Variants in RNFT2 observed in about 807,000 individuals in gnomAD.
The protein encoded by RNFT2 is ring finger protein, transmembrane 2, also known as E3 ubiquitin-protein ligase RNFT2.
Under a neutral mutation model 53.0 loss-of-function variants are expected in RNFT2, and 36 were observed. That is an observed-to-expected ratio of 0.68 (90% confidence interval 0.52 to 0.90). The LOEUF is 0.90. Ranked by LOEUF, RNFT2 falls within the 40% of genes least tolerant of loss-of-function variation. The pLI is 0.00. For missense variants in RNFT2, 514 were observed against 585.6 expected (o/e 0.88, Z 1.26); for synonymous variants, 260 against 253.2 (o/e 1.03, Z -0.26).
intron 7 of RNFT2, among the ~76,000 whole-genome samples, chr12:116,798,488 A>G (rs1486844171): frequency 6.6e-6 from 1 of 152,224 alleles, no homozygotes; most frequent in Non-Finnish European, 1.5e-5. Context: ...GGACCTTAGC[A>G]AGGTAGTTTG....
At chr12:116,816,739 CT>C (rs1454853967) in intron 7 of RNFT2, among the ~76,000 whole-genome samples, 2 of 152,168 alleles carry the variant, frequency 1.3e-5, no homozygotes, top group Admixed American at 1.3e-4. Flanking sequence ...AATTTCCCCC[CT>C]CATGGGGTTG....
chr12:116,827,561 G>T (rs1322124724), intron 7 of RNFT2, among the ~76,000 whole-genome samples: 2 of 152,174 alleles, frequency 1.3e-5, no homozygotes, highest in Admixed American at 6.5e-5. Flanking sequence ...AAAACTACAG[G>T]CTACAGGCCA....
rs1872155932 is a variant in RNFT2 at position 116,750,795 on chromosome 12, GTGTATATATATA to G, written c.550+490_550+501del. On this transcript the variant is annotated intron_variant, in intron 4 of 10. Coordinates refer to ENST00000257575, the MANE Select transcript of RNFT2 (RefSeq NM_001382266.1). ...CACATTATTTTTACTATATGTGTGT[GTGTATATATATA>G]TAATATATATATTATATATATAATA... Among the ~76,000 whole-genome samples, 4 of 91,658 alleles carry G rather than the reference GTGTATATATATA, an allele frequency of 4.4e-5. No individual in the cohort carries two copies. The South Asian group carries it at 1.4e-3, about 32-fold the overall frequency. 60.1% of individuals were successfully genotyped at this position (91,658 alleles called of 152,430 possible).
chr12:116,764,709 T>C (rs1441645145), intron 5 of RNFT2, among the ~76,000 whole-genome samples: 3 of 152,116 alleles, frequency 2.0e-5, no homozygotes, highest in Non-Finnish European at 4.4e-5. Flanking sequence ...TTGGCCAACA[T>C]GGTGAAACCC....
intron 7 of RNFT2, among the ~76,000 whole-genome samples, chr12:116,780,447 A>T (rs768008184): frequency 2.0e-5 from 3 of 152,064 alleles, no homozygotes; most frequent in Non-Finnish European, 4.4e-5. Context: ...GCCGCAGCTG[A>T]TCTGATGGGA....
chr12:116,802,710 A>G (rs571510387), intron 7 of RNFT2, among the ~76,000 whole-genome samples: 2 of 152,268 alleles, frequency 1.3e-5, no homozygotes, highest in East Asian at 3.9e-4. Context: ...CTAATTTTGG[A>G]CTTCTGGCCT....
At chr12:116,787,664 T>C (rs1331053096) in intron 7 of RNFT2, among the ~76,000 whole-genome samples, 1 of 150,870 alleles carries the variant, frequency 6.6e-6, no homozygotes, top group Non-Finnish European at 1.5e-5. Context: ...CAGTGAGCCA[T>C]GATCATGTCA....
rs1391319911 is a variant in RNFT2 at position 116,750,058 on chromosome 12, C to T, written c.301C>T (p.Arg101Trp). ...CGCGTCCAGGGAGGAAGGAGGGGGC[C>T]GGGGCGAGGGGGGCGCCTACCACCA... The part of the protein sequence containing the change: ...MPASREEGGG[R>W]GEGGAYHHRQ... Residue 101 changes from arginine (R) to tryptophan (W), a missense_variant, in exon 4 of 11, where the codon CGG becomes TGG. Physicochemically the swap from Arg to Trp is moderately radical, Grantham distance 101. Transcript: ENST00000257575. 5 of 1,547,872 alleles carry T rather than the reference C, an allele frequency of 3.2e-6. No homozygotes were observed. In the South Asian group the frequency reaches 3.6e-5, roughly 11 times the overall value.
chr12:116,835,135 C>T (rs562271668), intron 8 of RNFT2, among the ~76,000 whole-genome samples: 120 of 152,294 alleles, frequency 7.9e-4, no homozygotes, highest in South Asian at 2.5e-3. Flanking sequence ...CAGGCATGAG[C>T]CACCCCACCT....
At chr12:116,801,283 A>G (rs1269346001) in intron 7 of RNFT2, 1 of 152,240 alleles carries the variant, frequency 6.6e-6, no homozygotes, top group Non-Finnish European at 1.5e-5. Flanking sequence ...GATACTAATC[A>G]TTAGCAATGT....
intron 7 of RNFT2, among the ~76,000 whole-genome samples, chr12:116,813,005 G>C (rs1875463237): frequency 6.6e-6 from 1 of 152,018 alleles, no homozygotes; most frequent in African/African-American, 2.4e-5. Context: ...ACCCAGGCTG[G>C]AGTGCAGTGG....
intron 7 of RNFT2, among the ~76,000 whole-genome samples, chr12:116,789,960 G>GTGGGTGGGTGGATGGA (rs1555261850): frequency 2.1e-5 from 3 of 146,170 alleles, no homozygotes; most frequent in Admixed American, 1.4e-4. Context: ...GGATGGGTGG[G>GTGGGTGGGTGGATGGA]TGGATGGATG....
At position 116,788,826 on chromosome 12, in the gene RNFT2, A is replaced by AGATGGATGGATGGATGGATG. The variant is rs10579272; in HGVS notation, c.882+9482_882+9501dup. On this transcript the variant is annotated intron_variant, in intron 7 of 10. Transcript: ENST00000257575. ...TGGGAAGTTTGGTGGATGGATGGATAGATGGATGGATGGATGGATGGATAA... is the reference window on the plus strand; with the variant it reads ...TGGGAAGTTTGGTGGATGGATGGATAGATGGATGGATGGATGGATGGATGGATGGATGGATGGATGGATAA... 6.9e-3 allele frequency among the ~76,000 whole-genome samples: 1,042 copies of AGATGGATGGATGGATGGATG among 150,056 alleles called. 21 individuals are homozygous for AGATGGATGGATGGATGGATG. The highest frequency in any genetic ancestry group is 0.024 in the African/African-American group (994 of 40,788).
chr12:116,772,037 A>G (rs1424533023), intron 6 of RNFT2, among the ~76,000 whole-genome samples: 1 of 152,142 alleles, frequency 6.6e-6, no homozygotes, highest in Non-Finnish European at 1.5e-5. Context: ...GTGCCTATAC[A>G]ATGCTGTCCC....
At chr12:116,763,799 G>A (rs1028162053) in intron 5 of RNFT2, among the ~76,000 whole-genome samples, 2 of 148,382 alleles carry the variant, frequency 1.3e-5, no homozygotes, top group African/African-American at 5.0e-5. Flanking sequence ...GGGGGCGGGG[G>A]GGGAAAGAAC....
rs1484112692 is a variant in RNFT2, at chr12:116,811,609, CAAAT to C, written c.883-22180_883-22177del. Among the ~76,000 whole-genome samples the C allele has an allele frequency of 2.6e-5, 4 of 152,338 alleles. No homozygotes were observed. In the East Asian group the frequency reaches 7.7e-4, roughly 29 times the overall value. ...CAGGCTGATCTTAAACTCCTGACCT[CAAAT>C]AATCTGCCCGCCTTGGCCTCCCAAA... On this transcript the variant is annotated intron_variant, in intron 7 of 10. Transcript: ENST00000257575.
intron 5 of RNFT2, among the ~76,000 whole-genome samples, chr12:116,757,695 A>G (rs1242050859): frequency 6.6e-6 from 1 of 152,148 alleles, no homozygotes. Context: ...AGTACTTGAT[A>G]TAATTTCAAT....
At chr12:116,812,778 C>T (rs1875452559) in intron 7 of RNFT2, among the ~76,000 whole-genome samples, 1 of 152,130 alleles carries the variant, frequency 6.6e-6, no homozygotes, top group African/African-American at 2.4e-5. Context: ...AAGTGATCCA[C>T]CTGCCTTGGC....
chr12:116,830,637 G>A (rs574628291), intron 7 of RNFT2, among the ~76,000 whole-genome samples: 10 of 152,208 alleles, frequency 6.6e-5, no homozygotes, highest in African/African-American at 9.6e-5. Context: ...GGGCGCGGTC[G>A]CTCACACCTG....
Sources: allele counts gnomAD v4.1 joint callset (sites outside exome capture counted in the v4.1 genomes callset), GRCh38; gene constraint gnomAD v4.1.1; transcripts MANE v1.5; gene names NCBI Gene and HGNC (gene_info 2026-07-23, HGNC 2026-07-21).